UBE2W: variants seen among roughly 807,000 people sequenced by gnomAD.
UBE2W encodes the protein ubiquitin-conjugating enzyme E2 W.
Under a neutral mutation model 27.2 loss-of-function variants are expected in UBE2W, and 18 were observed. The observed-to-expected ratio is 0.66, with a 90% confidence interval of 0.46 to 0.98. UBE2W has a LOEUF of 0.98. UBE2W is among the 50% of genes least tolerant of loss of function. The pLI is 0.00. For missense variants in UBE2W, 90 were observed against 180.2 expected (o/e 0.50, Z 2.87); for synonymous variants, 53 against 57.2 (o/e 0.93, Z 0.33).
At chr8:73,853,553 G>T (rs1406209470) in intron 1 of UBE2W, among the ~76,000 whole-genome samples, 1 of 152,012 alleles carries the variant, frequency 6.6e-6, no homozygotes, top group Non-Finnish European at 1.5e-5. Context: ...GAACCATTGC[G>T]CCTGACCCAG....
intron 3 of UBE2W, among the ~76,000 whole-genome samples, chr8:73,817,310 A>T (rs2130885257): frequency 6.6e-6 from 1 of 152,312 alleles, no homozygotes; most frequent in East Asian, 1.9e-4. Flanking sequence ...CCTGGGTGAC[A>T]GGGCGCAACT....
At chr8:73,860,106 T>C (rs1016083002) in intron 1 of UBE2W, among the ~76,000 whole-genome samples, 9 of 136,698 alleles carry the variant, frequency 6.6e-5, no homozygotes, top group African/African-American at 2.5e-4. Context: ...AAGGGTTACA[T>C]ACAGGAAGCT....
At chr8:73,785,472 G>A (rs79310813), downstream of UBE2W, among the ~76,000 whole-genome samples, 638 of 152,224 alleles carry the variant, frequency 4.2e-3, 3 homozygotes, top group Admixed American at 8.3e-3. Flanking sequence ...ATAAATTCAG[G>A]GGGTACACGT....
chr8:73,835,513 T>C (rs1359171654), intron 1 of UBE2W, among the ~76,000 whole-genome samples: 1 of 152,090 alleles, frequency 6.6e-6, no homozygotes, highest in Non-Finnish European at 1.5e-5. Context: ...GAGGCCGAGG[T>C]GGGTGAATCA....
In UBE2W at chr8:73,878,854, C is replaced by A; in HGVS notation, c.-32G>T. 1 of 1,547,482 alleles carries A rather than the reference C, an allele frequency of 6.5e-7. No homozygotes were observed. The highest frequency in any genetic ancestry group is 8.7e-7 in the Non-Finnish European group (1 of 1,144,746). On this transcript the variant is annotated 5_prime_UTR_variant, in exon 1 of 6. Coordinates refer to ENST00000602593, the MANE Select transcript of UBE2W (RefSeq NM_018299.6). ...ACCATCCCCCCAAGACCGGCGAGGC[C>A]AGAGACGCAGGGGGAGGAGCTGCCG...
At chr8:73,781,129 G>T (rs936413495) in intron 4 of UBE2W, among the ~76,000 whole-genome samples, 2 of 151,908 alleles carry the variant, frequency 1.3e-5, no homozygotes, top group Admixed American at 1.3e-4. Context: ...AATTAGCCAG[G>T]CATGGTGGCA....
At chr8:73,875,817 A>G (rs1812193971) in intron 1 of UBE2W, among the ~76,000 whole-genome samples, 1 of 152,148 alleles carries the variant, frequency 6.6e-6, no homozygotes, top group Non-Finnish European at 1.5e-5. Flanking sequence ...TGGGAGGCCG[A>G]GGCGAGTGGA....
At chr8:73,828,832 C>A (rs892923657) in intron 2 of UBE2W, among the ~76,000 whole-genome samples, 3 of 152,092 alleles carry the variant, frequency 2.0e-5, no homozygotes, top group Non-Finnish European at 4.4e-5. Flanking sequence ...ACTATAGTCA[C>A]CCTGTTGTGC....
intron 1 of UBE2W, among the ~76,000 whole-genome samples, chr8:73,873,599 T>G (rs926439590): frequency 6.6e-6 from 1 of 152,158 alleles, no homozygotes; most frequent in African/African-American, 2.4e-5. Context: ...AAGGGTGCAG[T>G]GAGCCAAGAC....
At chr8:73,848,968 A>G (rs1382622528) in intron 1 of UBE2W, among the ~76,000 whole-genome samples, 1 of 152,206 alleles carries the variant, frequency 6.6e-6, no homozygotes. Context: ...ATTAAAAGTC[A>G]TTTTAAATGG....
chr8:73,805,472 C>CAAAAAAAAAAACAAAACAAAAAAAAA, intron 5 of UBE2W, among the ~76,000 whole-genome samples, 179 bp downstream of exon 5: 7 of 43,692 alleles, frequency 1.6e-4, no homozygotes, highest in Non-Finnish European at 2.5e-4. Context: ...AAAAAAAAAA[C>CAAAAAAAAAAACAAAACAAAAAAAAA]AAAAAAAACT....
chr8:73,819,362 C>A (rs1287442175), intron 3 of UBE2W, among the ~76,000 whole-genome samples: 1 of 152,212 alleles, frequency 6.6e-6, no homozygotes, highest in Non-Finnish European at 1.5e-5. Flanking sequence ...CAGCACCCAG[C>A]ACAGTGTCTG....
chr8:73,812,649 TAG>T (rs2130877062), intron 3 of UBE2W, among the ~76,000 whole-genome samples: 1 of 152,272 alleles, frequency 6.6e-6, no homozygotes, highest in Non-Finnish European at 1.5e-5. Context: ...ATTTGACCAG[TAG>T]GATATTTTCA....
Position 73,847,448 on chromosome 8 carries a change from T to C in UBE2W, c.16-16976A>G, listed in dbSNP as rs570097446. 3.9e-5 allele frequency among the ~76,000 whole-genome samples: 6 copies of C among 152,196 alleles called. No individual in the cohort carries two copies. In the East Asian group the frequency reaches 1.2e-3, roughly 29 times the overall value. ...AAACTACTTGCTTTTTTTTGTAAAC[T>C]TGGATATAGAAATATGCTCTCACCC... On this transcript the variant is annotated intron_variant, in intron 1 of 5. Transcript: ENST00000602593.
intron 3 of UBE2W, among the ~76,000 whole-genome samples, chr8:73,814,402 G>A (rs1371019655): frequency 6.6e-6 from 1 of 152,112 alleles, no homozygotes; most frequent in African/African-American, 2.4e-5. Context: ...TCCTCGCTGC[G>A]TAAATTACAC....
intron 1 of UBE2W, among the ~76,000 whole-genome samples, chr8:73,865,580 C>T (rs1811719795): frequency 6.6e-6 from 1 of 152,148 alleles, no homozygotes; most frequent in Non-Finnish European, 1.5e-5. Context: ...CTACTGCATA[C>T]CCTAGCCTGG....
chr8:73,861,208 C>T (rs1315483196), intron 1 of UBE2W, among the ~76,000 whole-genome samples: 1 of 152,122 alleles, frequency 6.6e-6, no homozygotes, highest in African/African-American at 2.4e-5. Flanking sequence ...AGGATACTGA[C>T]AGAATCTCCA....
chr8:73,788,247 T>C lies in UBE2W; in HGVS notation c.*5855A>G. 1.0e-6 allele frequency: 1 copy of C among 955,546 alleles called. No individual in the cohort carries two copies. Among genetic ancestry groups the C allele is most frequent in the Non-Finnish European group, 1.2e-6 (1 of 802,792 alleles). The allele number at this position is 955,546 out of a possible 1,614,324, so 59.2% of individuals were successfully genotyped here. A position where few individuals can be genotyped will look rare whatever the true frequency, so the allele number is the denominator to read the frequency against. ...ATATATAACATAGATTTGTCTGTTT[T>C]AACATTTATATTCTATTTAAAAAGT... On this transcript the variant is annotated 3_prime_UTR_variant, in exon 6 of 6. Transcript: ENST00000602593.
Position 73,793,934 on chromosome 8 carries a change from G to GT in UBE2W, c.*167_*168insA. 1 of 1,444,138 alleles carries GT rather than the reference G, an allele frequency of 6.9e-7. No homozygotes were observed. The highest frequency in any genetic ancestry group is 9.1e-7 in the Non-Finnish European group (1 of 1,096,418). 89.5% of individuals were successfully genotyped at this position (1,444,138 alleles called of 1,614,324 possible). A position where few individuals can be genotyped will look rare whatever the true frequency, so the allele number is the denominator to read the frequency against. On this transcript the variant is annotated 3_prime_UTR_variant, in exon 6 of 6. Transcript: ENST00000602593. ...TGTCAGTTGCCTGGACTGAACCAGC[G>GT]ATCAACATGCGCCCAGAATGCACAC...
Sources: gnomAD v4.1 joint callset for allele counts (sites outside exome capture counted in the v4.1 genomes callset) on GRCh38, gnomAD v4.1.1 for gene constraint, MANE v1.5 for transcripts, NCBI Gene and HGNC (gene_info 2026-07-23, HGNC 2026-07-21) for gene names.